Variants in DNAH6 observed in about 807,000 individuals in gnomAD.
DNAH6 encodes the protein axonemal beta dynein heavy chain 6.
Under a neutral mutation model 491.4 loss-of-function variants are expected in DNAH6, and 340 were observed. The ratio of observed to expected loss-of-function variants is 0.69; its 90% CI spans 0.63 to 0.76. The LOEUF is 0.76. Ranked by LOEUF, DNAH6 falls within the 30% of genes least tolerant of loss-of-function variation. The pLI is 0.00. For missense variants in DNAH6, 4,443 were observed against 4,972.2 expected, an observed-to-expected ratio of 0.89 and a Z score of 3.20; for synonymous variants, 1,603 against 1,686.1, an observed-to-expected ratio of 0.95 and a Z score of 1.21.
chr2:84,639,313 G>A (rs1573320754), intron 31 of DNAH6, among the ~76,000 whole-genome samples: 2 of 151,890 alleles, frequency 1.3e-5, no homozygotes, highest in African/African-American at 2.4e-5. Flanking sequence ...TTGTCCTGTT[G>A]TTATAGTACT....
intron 33 of DNAH6, among the ~76,000 whole-genome samples, chr2:84,644,194 G>T (rs185096861): frequency 6.6e-6 from 1 of 152,176 alleles, no homozygotes; most frequent in Admixed American, 6.5e-5. Context: ...CCTAGAGTTG[G>T]GTAATTCCCT....
At chr2:84,592,436 A>G (rs1392839483) in intron 16 of DNAH6, among the ~76,000 whole-genome samples, 2 of 152,198 alleles carry the variant, frequency 1.3e-5, no homozygotes, top group African/African-American at 4.8e-5. Flanking sequence ...CAAAAATAAA[A>G]TGAATTACCA....
chr2:84,715,824 C>A (rs561506270), intron 58 of DNAH6, among the ~76,000 whole-genome samples, 197 bp downstream of exon 58: 1 of 152,154 alleles, frequency 6.6e-6, no homozygotes, highest in African/African-American at 2.4e-5. Context: ...TCTTGTCTAC[C>A]GTCTTCTCAA....
chr2:84,652,491 T>C (rs891840942), intron 33 of DNAH6, among the ~76,000 whole-genome samples: 14 of 152,090 alleles, frequency 9.2e-5, no homozygotes, highest in Non-Finnish European at 1.3e-4. Context: ...TCTAAGTCTC[T>C]CATTCATGCT....
intron 64 of DNAH6, among the ~76,000 whole-genome samples, chr2:84,769,195 G>T (rs900220343): frequency 6.6e-6 from 1 of 152,324 alleles, no homozygotes; most frequent in Middle Eastern, 3.4e-3. Context: ...GGATCCAGCC[G>T]CTGAGAAGGG....
In DNAH6 at chr2:84,588,808, A is replaced by C; in HGVS notation, c.2482-18A>C. ...AAAAAGCAGGAATGGCTAACCAAAAACTGTCTTAAATTTATAGGATCCACA... is the reference window on the plus strand; with the variant it reads ...AAAAAGCAGGAATGGCTAACCAAAACCTGTCTTAAATTTATAGGATCCACA... On this transcript the variant is annotated intron_variant, in intron 15 of 76. Coordinates refer to ENST00000389394, the MANE Select transcript of DNAH6 (RefSeq NM_001370.2). The C allele has an allele frequency of 6.6e-7, 1 of 1,507,534 alleles. No individual in the cohort carries two copies. The highest frequency in any genetic ancestry group is 8.9e-7 in the Non-Finnish European group (1 of 1,129,344). The allele number at this position is 1,507,534 out of a possible 1,614,324, so 93.4% of individuals were successfully genotyped here. A position where few individuals can be genotyped will look rare whatever the true frequency, so the allele number is the denominator to read the frequency against.
At chr2:84,654,460 AT>A (rs1398953009) in intron 34 of DNAH6, among the ~76,000 whole-genome samples, 199 bp from the exon 35 acceptor site, 8 of 152,082 alleles carry the variant, frequency 5.3e-5, no homozygotes, top group Admixed American at 5.2e-4. Flanking sequence ...AGTTGTGGGA[AT>A]TTTTTTCACC....
At chr2:84,560,052 A>G (rs1240903410) in intron 11 of DNAH6, among the ~76,000 whole-genome samples, 2 of 152,184 alleles carry the variant, frequency 1.3e-5, no homozygotes, top group African/African-American at 4.8e-5. Context: ...AAGACAGGCA[A>G]AGAAGAAATA....
At chr2:84,637,656 T>C (rs971702761) in intron 31 of DNAH6, among the ~76,000 whole-genome samples, 2 of 152,152 alleles carry the variant, frequency 1.3e-5, no homozygotes, top group Non-Finnish European at 2.9e-5. Flanking sequence ...GGTTTTTCAG[T>C]TCCTCTCTAG....
the DNAH6 span, among the ~76,000 whole-genome samples, chr2:84,498,929 G>A: frequency 6.6e-6 from 1 of 152,096 alleles, no homozygotes; most frequent in South Asian, 2.1e-4. Flanking sequence ...TGTTGTGGGT[G>A]CATTGTAGGT....
rs765733934 is a variant in DNAH6, at chr2:84,557,772, CTG to C, written c.1644_1645del (p.Leu549IlefsTer4). 4 of 1,593,166 alleles carry C rather than the reference CTG, an allele frequency of 2.5e-6. No individual in the cohort carries two copies. In the African/African-American group the frequency reaches 4.1e-5, roughly 16 times the overall value. ...GGTGCAGTTAATCACTGTCAAAACA[CTG>C]TGTTATCAGTTCCTAATCTCGTGCC... On this transcript the variant is annotated frameshift_variant, in exon 11 of 77. Transcript: ENST00000389394. LOFTEE classifies it high-confidence loss of function.
intron 58 of DNAH6, among the ~76,000 whole-genome samples, chr2:84,717,609 A>G (rs976472793): frequency 1.3e-5 from 2 of 152,066 alleles, no homozygotes; most frequent in Non-Finnish European, 2.9e-5. Context: ...TCCACGTAAA[A>G]CTCTTAGCAG....
Position 84,637,391 on chromosome 2 carries a change from TA to T in DNAH6, c.4821+15del. The T allele has an allele frequency of 6.6e-7, 1 of 1,508,796 alleles. No homozygotes were observed. Among genetic ancestry groups the T allele is most frequent in the Non-Finnish European group, 8.9e-7 (1 of 1,123,084 alleles). 93.5% of individuals were successfully genotyped at this position (1,508,796 alleles called of 1,614,324 possible). A position where few individuals can be genotyped will look rare whatever the true frequency, so the allele number is the denominator to read the frequency against. On this transcript the variant is annotated intron_variant, in intron 31 of 76. Coordinates refer to ENST00000389394, the MANE Select transcript of DNAH6 (RefSeq NM_001370.2). ...TTGATTGCAGAGGTGAGCATCACATTATAAAGCAGCAGAAATGTAAACTTCT... is the reference window on the plus strand; with the variant it reads ...TTGATTGCAGAGGTGAGCATCACATTTAAAGCAGCAGAAATGTAAACTTCT...
intron 68 of DNAH6, among the ~76,000 whole-genome samples, chr2:84,788,791 G>A (rs867128432): frequency 1.3e-5 from 2 of 152,192 alleles, no homozygotes; most frequent in African/African-American, 2.4e-5. Context: ...AAAAAGTTGC[G>A]CTGAAGAAAA....
chr2:84,701,780 C>T (rs1223509238), intron 49 of DNAH6, among the ~76,000 whole-genome samples: 1 of 152,118 alleles, frequency 6.6e-6, no homozygotes, highest in African/African-American at 2.4e-5. Context: ...AATTACCTCC[C>T]ACCAGGCCCC....
At chr2:84,629,065 C>CT (rs1340244886) in intron 29 of DNAH6, among the ~76,000 whole-genome samples, 4 of 152,116 alleles carry the variant, frequency 2.6e-5, no homozygotes, top group African/African-American at 9.7e-5. Flanking sequence ...CCACTGAGCA[C>CT]TTTGTCTATG....
At chr2:84,660,295 G>A (rs938800503) in intron 37 of DNAH6, among the ~76,000 whole-genome samples, 1 of 152,054 alleles carries the variant, frequency 6.6e-6, no homozygotes, top group African/African-American at 2.4e-5. Context: ...ACTTCCACTG[G>A]TCAAAAATGG....
At chr2:84,462,361 A>G in the DNAH6 span, among the ~76,000 whole-genome samples, 1 of 152,204 alleles carries the variant, frequency 6.6e-6, no homozygotes, top group Non-Finnish European at 1.5e-5. Context: ...GGATGGACCA[A>G]TGTACATCTT....
intron 22 of DNAH6, among the ~76,000 whole-genome samples, chr2:84,612,309 T>C (rs1686421442): frequency 6.6e-6 from 1 of 152,140 alleles, no homozygotes; most frequent in South Asian, 2.1e-4. Flanking sequence ...TTACCACTTA[T>C]TACATTTCTA....
Sources: allele counts gnomAD v4.1 joint callset (sites outside exome capture counted in the v4.1 genomes callset), GRCh38; gene constraint gnomAD v4.1.1; transcripts MANE v1.5; gene names NCBI Gene and HGNC (gene_info 2026-07-23, HGNC 2026-07-21).